DLGAP2: variants seen among roughly 807,000 people sequenced by gnomAD.
DLGAP2 encodes disks large-associated protein 2.
DLGAP2 carries 26 observed loss-of-function variants against 100.3 expected under a neutral mutation model. That is an observed-to-expected ratio of 0.26 (90% CI 0.19 to 0.36). DLGAP2 has a LOEUF of 0.36. DLGAP2 is among the 10% of genes least tolerant of loss of function. The pLI, the probability that DLGAP2 is intolerant of heterozygous loss-of-function variation, is 1.00. For synonymous variants in DLGAP2, 886 were observed against 630.1 expected (o/e 1.41, Z -6.08); for missense variants, 1,858 against 1,453.2 (o/e 1.28, Z -4.53).
intron 6 of DLGAP2, among the ~76,000 whole-genome samples, chr8:1,605,455 C>T (rs993241816): frequency 2.0e-5 from 3 of 152,194 alleles, no homozygotes; most frequent in Non-Finnish European, 4.4e-5. Flanking sequence ...AGCAGATGAT[C>T]ACAAGAGTCT....
chr8:1,452,660 G>T (rs995576966), intron 3 of DLGAP2, among the ~76,000 whole-genome samples: 15 of 152,208 alleles, frequency 9.9e-5, no homozygotes, highest in African/African-American at 3.6e-4. Context: ...AGGAGATGCC[G>T]AAACATTATC....
At chr8:1,296,737 C>T (rs914010802) in intron 3 of DLGAP2, among the ~76,000 whole-genome samples, 11 of 152,180 alleles carry the variant, frequency 7.2e-5, no homozygotes, top group African/African-American at 2.7e-4. Context: ...TCTTTGGGTT[C>T]GCTTGCGGGA....
chr8:1,565,837 T>C lies in DLGAP2; in HGVS notation c.1385T>C (p.Ile462Thr). The change falls in exon 6 of 15, where the codon ATC (isoleucine) becomes ACC (threonine). Residue 462 changes from isoleucine to threonine, a missense_variant. Ile to Thr is a moderately conservative substitution (Grantham distance 89, BLOSUM62 -1). Coordinates refer to ENST00000637795, the MANE Select transcript of DLGAP2 (RefSeq NM_001346810.2). ...SSPKTSPKSA[I>T]LPEPLLKSIG... is the part of the protein sequence containing the mutation. ...CCCAAGACATCACCAAAGTCGGCAA[T>C]CCTACCAGAGCCGCTGCTGAAGTCC... The C allele has an allele frequency of 6.2e-7, 1 of 1,613,386 alleles. No individual in the cohort carries two copies. Among genetic ancestry groups the C allele is most frequent in the Non-Finnish European group, 8.5e-7 (1 of 1,179,666 alleles).
intron 4 of DLGAP2, among the ~76,000 whole-genome samples, chr8:1,515,383 T>C (rs1467459203): frequency 2.0e-5 from 3 of 152,222 alleles, no homozygotes; most frequent in East Asian, 3.9e-4. Flanking sequence ...CACATGCACA[T>C]ACATGAACAC....
In DLGAP2 at chr8:1,173,363, G is replaced by A. The variant is rs185735414; in HGVS notation, c.74-85488G>A. The stretch of plus-strand genomic sequence containing the variant: ...ACCCACTTGAGGAGGCAGTCTGCCC[G>A]TTCTCAGATCTCCAGCTGTGTGCTA... On this transcript the variant is annotated intron_variant, in intron 2 of 14. Coordinates refer to ENST00000637795, the MANE Select transcript of DLGAP2 (RefSeq NM_001346810.2). Among the ~76,000 whole-genome samples the A allele has an allele frequency of 8.1e-3, 1,239 of 152,288 alleles. 12 individuals are homozygous for A. The highest frequency in any genetic ancestry group is 0.028 in the African/African-American group (1,169 of 41,550).
intron 3 of DLGAP2, among the ~76,000 whole-genome samples, chr8:1,323,513 C>T (rs895621015): frequency 1.9e-4 from 29 of 152,174 alleles, no homozygotes; most frequent in Admixed American, 9.8e-4. Flanking sequence ...AGGTTGCAGA[C>T]GCAGTACCAG....
chr8:969,070 T>C (rs1336432563), intron 2 of DLGAP2, among the ~76,000 whole-genome samples: 3 of 152,198 alleles, frequency 2.0e-5, no homozygotes, highest in Non-Finnish European at 4.4e-5. Context: ...CTTCTGGGGA[T>C]GCCTGGAGGC....
intron 13 of DLGAP2, among the ~76,000 whole-genome samples, chr8:1,693,464 G>A (rs1799304978): frequency 6.6e-6 from 1 of 152,044 alleles, no homozygotes; most frequent in African/African-American, 2.4e-5. Context: ...TACTTAATAA[G>A]TTGTTTTATA....
chr8:1,017,530 G>A (rs1801493520), intron 2 of DLGAP2, among the ~76,000 whole-genome samples: 1 of 122,496 alleles, frequency 8.2e-6, no homozygotes, highest in Admixed American at 8.1e-5. Context: ...CCTCCACTGT[G>A]TGTGACCAGG....
intron 2 of DLGAP2, among the ~76,000 whole-genome samples, chr8:1,004,200 T>C (rs1004187231): frequency 1.8e-4 from 28 of 152,212 alleles, no homozygotes; most frequent in Non-Finnish European, 3.7e-4. Context: ...GCTCTAAGTA[T>C]ATGAATGTTG....
intron 2 of DLGAP2, among the ~76,000 whole-genome samples, chr8:1,056,173 C>G (rs988439794): frequency 7.9e-5 from 12 of 152,154 alleles, no homozygotes; most frequent in Non-Finnish European, 1.8e-4. Flanking sequence ...GAAAAAATAC[C>G]CGTTTGTTCC....
intron 3 of DLGAP2, among the ~76,000 whole-genome samples, chr8:1,463,284 A>G (rs767034914): frequency 5.3e-5 from 8 of 152,222 alleles, no homozygotes; most frequent in Non-Finnish European, 7.3e-5. Context: ...GAAGGTGCTG[A>G]TGAGACAAGC....
chr8:1,625,751 AC>A, intron 6 of DLGAP2, among the ~76,000 whole-genome samples: 1 of 152,334 alleles, frequency 6.6e-6, no homozygotes, highest in East Asian at 1.9e-4. Context: ...ATATGGAATG[AC>A]CCAAATTTCA....
chr8:1,566,849 A>C (rs1007448318), intron 6 of DLGAP2, among the ~76,000 whole-genome samples: 1 of 152,254 alleles, frequency 6.6e-6, no homozygotes, highest in Non-Finnish European at 1.5e-5. Flanking sequence ...AAATCTTACA[A>C]ATTAGAACTT....
intron 2 of DLGAP2, among the ~76,000 whole-genome samples, chr8:1,036,301 A>G (rs4735969): frequency 0.29 from 42,117 of 147,156 alleles, 6,914 homozygotes; most frequent in African/African-American, 0.4. Context: ...CTAGAAGGTC[A>G]GCAGTAAACA....
At chr8:1,458,916 C>T (rs962180701) in intron 3 of DLGAP2, among the ~76,000 whole-genome samples, 20 of 152,220 alleles carry the variant, frequency 1.3e-4, no homozygotes, top group Non-Finnish European at 2.1e-4. Flanking sequence ...CAGCATCTTT[C>T]CCACCAATGT....
At chr8:1,211,622 T>A (rs1325388735) in intron 2 of DLGAP2, among the ~76,000 whole-genome samples, 1 of 152,202 alleles carries the variant, frequency 6.6e-6, no homozygotes, top group Non-Finnish European at 1.5e-5. Flanking sequence ...ACGCCTGTAA[T>A]CCCAGCACTT....
chr8:790,990 G>A (rs974265336), intron 1 of DLGAP2, among the ~76,000 whole-genome samples: 38 of 152,242 alleles, frequency 2.5e-4, no homozygotes, highest in Non-Finnish European at 8.8e-5. Flanking sequence ...TGATGCACCC[G>A]CCTCAGCCTC....
At chr8:759,091 T>TTATCAATACCCCC (rs1820998011) in intron 1 of DLGAP2, among the ~76,000 whole-genome samples, 2 of 16,570 alleles carry the variant, frequency 1.2e-4, no homozygotes, top group Admixed American at 7.8e-4. Flanking sequence ...ACAGCCTTCC[T>TTATCAATACCCCC]GTTATCAATA....
Sources: allele counts gnomAD v4.1 joint callset (sites outside exome capture counted in the v4.1 genomes callset), GRCh38; gene constraint gnomAD v4.1.1; transcripts MANE v1.5; gene names NCBI Gene and HGNC (gene_info 2026-07-23, HGNC 2026-07-21).